DPP10: variants seen among roughly 807,000 people sequenced by gnomAD.
DPP10 encodes the protein dipeptidyl peptidase like 10.
In DPP10, 33 loss-of-function variants were observed where a neutral mutation model predicts 120.9. That is an observed-to-expected ratio of 0.27 (90% CI 0.21 to 0.37). The LOEUF (loss-of-function observed/expected upper bound fraction) is 0.37. Among genes scored for constraint, DPP10 ranks in the 10% least tolerant of loss-of-function variants. The pLI, the probability that DPP10 is intolerant of heterozygous loss-of-function variation, is 1.00. For missense variants in DPP10, 816 were observed against 942.8 expected, an observed-to-expected ratio of 0.87 and a Z score of 1.76; for synonymous variants, 337 against 326.1, an observed-to-expected ratio of 1.03 and a Z score of -0.36.
chr2:115,375,682 A>C (rs1250883795), intron 3 of DPP10, among the ~76,000 whole-genome samples: 1 of 152,248 alleles, frequency 6.6e-6, no homozygotes, highest in East Asian at 1.9e-4. Context: ...TAATTGAATC[A>C]CAGTTCCACA....
chr2:115,520,111 G>A (rs1160033862), intron 4 of DPP10, among the ~76,000 whole-genome samples: 4 of 152,136 alleles, frequency 2.6e-5, no homozygotes, highest in Non-Finnish European at 4.4e-5. Context: ...GAGGTCAGGA[G>A]TTTGAGACCA....
intron 3 of DPP10, among the ~76,000 whole-genome samples, chr2:115,381,594 G>C (rs1399674309): frequency 6.6e-6 from 1 of 152,222 alleles, no homozygotes; most frequent in Non-Finnish European, 1.5e-5. Context: ...CATTGCTGGT[G>C]AGGAACTGCG....
intron 1 of DPP10, among the ~76,000 whole-genome samples, chr2:114,559,857 C>T (rs1688612745): frequency 9.8e-6 from 1 of 101,830 alleles, no homozygotes. Flanking sequence ...AGGAAAATCA[C>T]AGATATTGTC....
At chr2:115,573,913 C>T (rs1204957991) in intron 5 of DPP10, among the ~76,000 whole-genome samples, 2 of 152,108 alleles carry the variant, frequency 1.3e-5, no homozygotes, top group East Asian at 3.9e-4. Context: ...GCTCTGTATG[C>T]ATCTTTTGGT....
intron 1 of DPP10, among the ~76,000 whole-genome samples, chr2:114,576,895 G>A (rs1212330652): frequency 6.6e-6 from 1 of 150,834 alleles, no homozygotes. Flanking sequence ...TTTGTTTTTT[G>A]TTTTTTCATA....
At chr2:114,520,229 T>A (rs901615172) in intron 1 of DPP10, among the ~76,000 whole-genome samples, 1 of 152,244 alleles carries the variant, frequency 6.6e-6, no homozygotes, top group Non-Finnish European at 1.5e-5. Context: ...CAAGGGGATT[T>A]ATGGAGTAAT....
intron 1 of DPP10, among the ~76,000 whole-genome samples, chr2:114,631,115 C>G (rs1694889398): frequency 6.6e-6 from 1 of 152,006 alleles, no homozygotes; most frequent in South Asian, 2.1e-4. Context: ...CAAATGTGAC[C>G]AAGATGGGAG....
At chr2:114,595,679 A>G (rs943014207) in intron 1 of DPP10, among the ~76,000 whole-genome samples, 2 of 152,138 alleles carry the variant, frequency 1.3e-5, no homozygotes, top group East Asian at 1.9e-4. Context: ...GACCCTTCAA[A>G]CAGTCACAGA....
At chr2:115,671,618 A>G (rs2089874038) in intron 5 of DPP10, among the ~76,000 whole-genome samples, 1 of 152,112 alleles carries the variant, frequency 6.6e-6, no homozygotes, top group South Asian at 2.1e-4. Flanking sequence ...TTTTAATGTG[A>G]CTGCTAGAAA....
At chr2:115,168,781 A>G (rs1443700247) in intron 1 of DPP10, among the ~76,000 whole-genome samples, 1 of 152,152 alleles carries the variant, frequency 6.6e-6, no homozygotes, top group African/African-American at 2.4e-5. Flanking sequence ...AAGCTCTTCT[A>G]TTGTAGATTT....
chr2:115,794,026 G>C (rs1159287175), intron 19 of DPP10, among the ~76,000 whole-genome samples: 1 of 151,992 alleles, frequency 6.6e-6, no homozygotes, highest in African/African-American at 2.4e-5. Context: ...TTTTTCTCAA[G>C]CTTAAAAACT....
rs35372708 is a variant in DPP10 at position 114,633,248 on chromosome 2, CTTTTTTTTT to C, written c.60+190425_60+190433del. Among the ~76,000 whole-genome samples, 319 of 72,836 alleles carry C rather than the reference CTTTTTTTTT, an allele frequency of 4.4e-3. 5 individuals are homozygous for C. The highest frequency in any genetic ancestry group is 0.022 in the African/African-American group (307 of 13,740). 47.8% of individuals were successfully genotyped at this position (72,836 alleles called of 152,430 possible). A position where few individuals can be genotyped will look rare whatever the true frequency, so the allele number is the denominator to read the frequency against. ...ATTTATTTCATATTGGTTTTTCTTT[CTTTTTTTTT>C]TTTTTTTTTTTTTTGACAGAGTCTC... On this transcript the variant is annotated intron_variant, in intron 1 of 25. Coordinates refer to ENST00000410059, the MANE Select transcript of DPP10 (RefSeq NM_020868.6).
At chr2:115,715,394 AC>A (rs2149589157) in intron 7 of DPP10, among the ~76,000 whole-genome samples, 1 of 151,862 alleles carries the variant, frequency 6.6e-6, no homozygotes, top group South Asian at 2.1e-4. Context: ...ATCTACTGGA[AC>A]TTGTTGGCCC....
intron 1 of DPP10, among the ~76,000 whole-genome samples, chr2:114,767,100 C>T (rs1346461543): frequency 1.3e-5 from 1 of 79,238 alleles, no homozygotes; most frequent in Non-Finnish European, 2.5e-5. Flanking sequence ...TACATCAAAA[C>T]TAGAAAAAAA....
chr2:115,148,779 G>A (rs913421454), intron 1 of DPP10, among the ~76,000 whole-genome samples: 3 of 152,148 alleles, frequency 2.0e-5, no homozygotes, highest in Non-Finnish European at 4.4e-5. Context: ...CGCTACGCAT[G>A]TCAAAGAATG....
chr2:114,951,004 T>C (rs1254111781), intron 1 of DPP10, among the ~76,000 whole-genome samples: 1 of 152,192 alleles, frequency 6.6e-6, no homozygotes, highest in East Asian at 1.9e-4. Flanking sequence ...CTAATTGTTA[T>C]TCACTATTGC....
At chr2:115,836,612 A>C in intron 23 of DPP10, 47 bp downstream of exon 23, 1 of 1,609,168 alleles carries the variant, frequency 6.2e-7, no homozygotes, top group Non-Finnish European at 8.5e-7. Flanking sequence ...TTTTGTTCTA[A>C]AAAATTAGTT....
At chr2:114,659,122 A>G (rs992856416) in intron 1 of DPP10, among the ~76,000 whole-genome samples, 1 of 152,152 alleles carries the variant, frequency 6.6e-6, no homozygotes, top group Non-Finnish European at 1.5e-5. Context: ...TCTCCCCAGC[A>G]ATAAGCCAGG....
At chr2:115,413,362 A>G (rs751703280) in intron 3 of DPP10, among the ~76,000 whole-genome samples, 8 of 152,180 alleles carry the variant, frequency 5.3e-5, no homozygotes, top group Admixed American at 1.3e-4. Context: ...GAGACCATGA[A>G]TCAGTAAAAT....
Sources: gnomAD v4.1 joint callset for allele counts (sites outside exome capture counted in the v4.1 genomes callset) on GRCh38, gnomAD v4.1.1 for gene constraint, MANE v1.5 for transcripts, NCBI Gene and HGNC (gene_info 2026-07-23, HGNC 2026-07-21) for gene names.